Variants in KANSL1 observed in about 807,000 individuals in gnomAD.
The protein encoded by KANSL1 is MLL1/MLL complex subunit KANSL1.
KANSL1 carries 22 observed loss-of-function variants against 103.6 expected under a neutral mutation model. That is an observed-to-expected ratio of 0.21 (90% CI 0.15 to 0.30). The LOEUF is 0.30. Ranked by LOEUF, KANSL1 falls within the 10% of genes least tolerant of loss-of-function variation. The probability of loss-of-function intolerance (pLI) is 1.00; values close to 1 mark genes in which losing one functional copy is unlikely to be tolerated. For synonymous variants in KANSL1, 600 were observed against 527.6 expected (o/e 1.14, Z -1.88); for missense variants, 1,337 against 1,399.8 (o/e 0.96, Z 0.72).
upstream of KANSL1, chr17:46,224,961 G>A (rs1332466765): frequency 6.6e-6 from 1 of 151,598 alleles, no homozygotes; most frequent in Non-Finnish European, 1.5e-5. Flanking sequence ...TCCTCTCCGC[G>A]TCGGTCCGTC....
At chr17:46,045,339 C>A (rs1301069732) in intron 7 of KANSL1, 1 of 151,768 alleles carries the variant, frequency 6.6e-6, no homozygotes, top group African/African-American at 2.4e-5. Context: ...ATTATTCCAA[C>A]AGGAATAATA....
At chr17:46,218,059 T>C (rs1019940699) in intron 1 of KANSL1, among the ~76,000 whole-genome samples, 6 of 152,184 alleles carry the variant, frequency 3.9e-5, no homozygotes, top group African/African-American at 1.4e-4. Context: ...GGGAGAACTC[T>C]ACATAAGGAC....
chr17:46,125,014 G>GA (rs1329718594), intron 2 of KANSL1, among the ~76,000 whole-genome samples: 1 of 136,906 alleles, frequency 7.3e-6, no homozygotes, highest in Non-Finnish European at 1.6e-5. Context: ...AAAGGGAAGG[G>GA]AAGGGAAGGG....
At chr17:46,195,874 C>A (rs1019994331), upstream of KANSL1, among the ~76,000 whole-genome samples, 1 of 152,132 alleles carries the variant, frequency 6.6e-6, no homozygotes, top group Non-Finnish European at 1.5e-5. Context: ...AATTTCCCCC[C>A]AAAAAATAGT....
chr17:46,045,756 G>A (rs2077483665), intron 7 of KANSL1: 1 of 152,146 alleles, frequency 6.6e-6, no homozygotes, highest in Non-Finnish European at 1.5e-5. Flanking sequence ...ATGTTCAAGG[G>A]AAATGGAACC....
chr17:46,183,019 A>G (rs1014885768), intron 1 of KANSL1, among the ~76,000 whole-genome samples: 1 of 152,260 alleles, frequency 6.6e-6, no homozygotes, highest in Non-Finnish European at 1.5e-5. Context: ...AAGCAGCAGT[A>G]AAGAGAGACA....
chr17:46,167,187 G>A (rs572621240), intron 2 of KANSL1, among the ~76,000 whole-genome samples: 2 of 150,446 alleles, frequency 1.3e-5, no homozygotes, highest in East Asian at 4.1e-4. Flanking sequence ...TTACTATATA[G>A]AAGTTTATAA....
chr17:46,166,019 C>G (rs1245950264), intron 2 of KANSL1, among the ~76,000 whole-genome samples: 1 of 150,480 alleles, frequency 6.6e-6, no homozygotes, highest in Non-Finnish European at 1.5e-5. Context: ...TGAGACCAGC[C>G]TGGGCCACAT....
intron 2 of KANSL1, among the ~76,000 whole-genome samples, chr17:46,132,181 A>G (rs374813314): frequency 7.2e-5 from 11 of 152,318 alleles, no homozygotes; most frequent in African/African-American, 2.6e-4. Flanking sequence ...TGAGAAACCA[A>G]AGGAAGCAAT....
In KANSL1 at chr17:46,067,585, C is replaced by T. The variant is rs776741181; in HGVS notation, c.1616G>A (p.Cys539Tyr). ...HISESLSTKS[C>Y]GALRPVNGVI... ...TCCATTGACAGGTCTGAGTGCTCCA[C>T]ATGATTTGGTAGACAGTGACTCTGA... The change falls in exon 5 of 15, where the codon TGT becomes TAT. Residue 539 changes from cysteine (C) to tyrosine (Y), a missense_variant. By Grantham distance (194) the Cys-to-Tyr change is radical (BLOSUM62 -2). Transcript: ENST00000432791. 3 of 1,608,074 alleles carry T rather than the reference C, an allele frequency of 1.9e-6. No individual in the cohort carries two copies. The highest frequency in any genetic ancestry group is 1.3e-5 in the African/African-American group (1 of 74,888).
chr17:46,159,272 C>A (rs900333827), intron 2 of KANSL1, among the ~76,000 whole-genome samples: 1 of 152,250 alleles, frequency 6.6e-6, no homozygotes, highest in African/African-American at 2.4e-5. Flanking sequence ...CCAAAAAGTA[C>A]AGTCCTAATT....
At chr17:46,117,909 A>G (rs2043113635) in intron 2 of KANSL1, among the ~76,000 whole-genome samples, 1 of 152,212 alleles carries the variant, frequency 6.6e-6, no homozygotes, top group Admixed American at 6.5e-5. Flanking sequence ...TAATCCAAGA[A>G]TGTCTTTTTT....
chr17:46,189,865 C>T (rs2047222757), intron 1 of KANSL1, among the ~76,000 whole-genome samples: 1 of 148,808 alleles, frequency 6.7e-6, no homozygotes, highest in African/African-American at 2.5e-5. Context: ...TGAGATAGCA[C>T]CACTGCACTC....
At chr17:46,164,707 C>T (rs1333429454) in intron 2 of KANSL1, among the ~76,000 whole-genome samples, 1 of 152,152 alleles carries the variant, frequency 6.6e-6, no homozygotes, top group Non-Finnish European at 1.5e-5. Flanking sequence ...GCCTCAGCTT[C>T]CCCCAATGCA....
chr17:46,079,968 C>T (rs1455839155), intron 4 of KANSL1, among the ~76,000 whole-genome samples: 2 of 146,776 alleles, frequency 1.4e-5, no homozygotes, highest in Non-Finnish European at 3.0e-5. Flanking sequence ...CAGAATAAGA[C>T]CCTGTCTAAA....
At chr17:46,180,854 C>CAT (rs921170668) in intron 1 of KANSL1, among the ~76,000 whole-genome samples, 14 of 151,976 alleles carry the variant, frequency 9.2e-5, no homozygotes, top group African/African-American at 1.2e-4. Context: ...AAAGTATATA[C>CAT]ATATATATAT....
intron 4 of KANSL1, among the ~76,000 whole-genome samples, chr17:46,075,215 A>G (rs1341435617): frequency 6.6e-6 from 1 of 152,264 alleles, no homozygotes; most frequent in Non-Finnish European, 1.5e-5. Flanking sequence ...ATTACTTTGT[A>G]TAAGTTCAAT....
chr17:46,073,936 T>C (rs1222614094), intron 4 of KANSL1, among the ~76,000 whole-genome samples: 1 of 152,162 alleles, frequency 6.6e-6, no homozygotes, highest in Non-Finnish European at 1.5e-5. Context: ...TGTGTTGAAC[T>C]GGTATGAACT....
rs777967674 is a variant in KANSL1 at position 46,038,985 on chromosome 17, C to A, written c.2392+42G>T. 2.0e-5 allele frequency: 32 copies of A among 1,588,262 alleles called. No individual in the cohort carries two copies. The East Asian group carries it at 7.2e-4, about 35-fold the overall frequency. On this transcript the variant is annotated intron_variant, in intron 9 of 14. Coordinates refer to ENST00000432791, the MANE Select transcript of KANSL1 (RefSeq NM_015443.4). ...CTAGGCTGCCCCAGAAAGCCCTGAG[C>A]AGGTGCAGTTGCAGGTAGAGGTGCC...
Sources: gnomAD v4.1 joint callset for allele counts (sites outside exome capture counted in the v4.1 genomes callset) on GRCh38, gnomAD v4.1.1 for gene constraint, MANE v1.5 for transcripts, NCBI Gene and HGNC (gene_info 2026-07-23, HGNC 2026-07-21) for gene names.